The following SPATS2L variants were observed in gnomAD, a reference collection of about 807,000 sequenced individuals.
SPATS2L encodes the protein spermatogenesis associated serine rich 2 like, also known as SPATS2-like protein.
SPATS2L carries 30 observed loss-of-function variants against 59.6 expected under a neutral mutation model. That is an observed-to-expected ratio of 0.50 (90% confidence interval 0.38 to 0.68). The LOEUF is 0.68. Ranked by LOEUF, SPATS2L falls within the 30% of genes least tolerant of loss-of-function variation. SPATS2L has a pLI of 0.00. For missense variants in SPATS2L, 615 were observed against 700.0 expected, an observed-to-expected ratio of 0.88 and a Z score of 1.37; for synonymous variants, 252 against 263.5, an observed-to-expected ratio of 0.96 and a Z score of 0.42.
In SPATS2L at chr2:200,325,390, A is replaced by T. The variant is rs868739825; in HGVS notation, c.-72-4041A>T. Among the ~76,000 whole-genome samples, 374 of 151,842 alleles carry T rather than the reference A, an allele frequency of 2.5e-3. 3 individuals carry two copies. Among genetic ancestry groups the T allele is most frequent in the Middle Eastern group, 6.9e-3 (2 of 290 alleles). ...ACTGTAGGAATCTTTTTATTTATTT[A>T]TTTTTTTAGACAGAGTCTCACTCTG... is the stretch of plus-strand genomic sequence containing the variant. On this transcript the variant is annotated intron_variant, in intron 1 of 12. Coordinates refer to ENST00000409140, the MANE Select transcript of SPATS2L (RefSeq NM_001100423.2).
Position 200,409,428 on chromosome 2 carries a change from A to C in SPATS2L, c.40-2883A>C, listed in dbSNP as rs546217219. Among the ~76,000 whole-genome samples the C allele has an allele frequency of 2.6e-5, 4 of 152,262 alleles. No individual in the cohort carries two copies. In the East Asian group the frequency reaches 7.7e-4, roughly 29 times the overall value. On this transcript the variant is annotated intron_variant, in intron 3 of 12. Coordinates refer to ENST00000409140, the MANE Select transcript of SPATS2L (RefSeq NM_001100423.2). ...ACCACTGAATTATGAGGAGTGACAC[A>C]GTGAGGTTCCTTTATTTTTATGTGC...
chr2:200,420,513 G>A (rs779542504), intron 6 of SPATS2L, among the ~76,000 whole-genome samples: 6 of 152,108 alleles, frequency 3.9e-5, no homozygotes, highest in Non-Finnish European at 7.4e-5. Flanking sequence ...AGCTCAATAC[G>A]TATATTTGTA....
chr2:200,318,318 C>T (rs1043071538), intron 1 of SPATS2L, among the ~76,000 whole-genome samples: 1 of 152,194 alleles, frequency 6.6e-6, no homozygotes, highest in East Asian at 1.9e-4. Context: ...ATGTACTGAG[C>T]TTCCAGTGAC....
intron 6 of SPATS2L, among the ~76,000 whole-genome samples, chr2:200,438,115 C>A (rs2084427098): frequency 6.6e-6 from 1 of 151,956 alleles, no homozygotes; most frequent in Admixed American, 6.6e-5. Context: ...AGCAAGGTAC[C>A]ATGGGAGTAG....
At chr2:200,416,342 T>A (rs770259993) in intron 4 of SPATS2L, 37 bp from the exon 5 acceptor site, 3 of 1,184,466 alleles carry the variant, frequency 2.5e-6, no homozygotes, top group Non-Finnish European at 3.5e-6. Context: ...TGTTTTATGA[T>A]GTGAATATTT....
intron 8 of SPATS2L, among the ~76,000 whole-genome samples, chr2:200,455,576 C>G (rs1197190209): frequency 6.6e-6 from 1 of 152,234 alleles, no homozygotes; most frequent in Admixed American, 6.5e-5. Context: ...TGATATGTGT[C>G]TGCAGAGGTG....
At chr2:200,320,168 GAA>G (rs1331981004) in intron 1 of SPATS2L, among the ~76,000 whole-genome samples, 1 of 152,036 alleles carries the variant, frequency 6.6e-6, no homozygotes, top group African/African-American at 2.4e-5. Context: ...TAGAGTCAGG[GAA>G]AGACTTAGTC....
chr2:200,435,568 C>T (rs943662005), intron 6 of SPATS2L, among the ~76,000 whole-genome samples: 2 of 152,138 alleles, frequency 1.3e-5, no homozygotes, highest in Non-Finnish European at 2.9e-5. Flanking sequence ...AACACTGATT[C>T]ATTCATTCAG....
intron 10 of SPATS2L, among the ~76,000 whole-genome samples, chr2:200,469,284 A>T (rs1047993777): frequency 6.6e-6 from 1 of 152,208 alleles, no homozygotes; most frequent in South Asian, 2.1e-4. Flanking sequence ...AGTTAATGGT[A>T]TCTGTTTTCC....
chr2:200,473,561 T>TA (rs1227172643), intron 12 of SPATS2L, among the ~76,000 whole-genome samples: 1 of 152,238 alleles, frequency 6.6e-6, no homozygotes, highest in Non-Finnish European at 1.5e-5. Flanking sequence ...GTAAGGAGAA[T>TA]ACATTTCAAA....
At chr2:200,469,372 TACACACAGATCTTA>T (rs2086855287) in intron 10 of SPATS2L, among the ~76,000 whole-genome samples, 2 of 152,246 alleles carry the variant, frequency 1.3e-5, no homozygotes, top group Non-Finnish European at 2.9e-5. Flanking sequence ...CCATGTCTTC[TACACACAGATCTTA>T]ATTTTAAATG....
At chr2:200,347,453 T>A (rs1284362705) in intron 2 of SPATS2L, among the ~76,000 whole-genome samples, 1 of 152,132 alleles carries the variant, frequency 6.6e-6, no homozygotes, top group Non-Finnish European at 1.5e-5. Context: ...AATCTCATCA[T>A]CCTCTTCATT....
At chr2:200,341,572 CTG>C (rs67414264) in intron 2 of SPATS2L, among the ~76,000 whole-genome samples, 64,859 of 151,620 alleles carry the variant, frequency 0.43, 15,517 homozygotes, top group East Asian at 0.73. Context: ...AGATGAAAAA[CTG>C]TGTTTTTTTA....
At chr2:200,317,132 C>T (rs1257366186) in intron 1 of SPATS2L, among the ~76,000 whole-genome samples, 1 of 152,184 alleles carries the variant, frequency 6.6e-6, no homozygotes, top group Non-Finnish European at 1.5e-5. Flanking sequence ...TATCAAGTTT[C>T]TCTTTTTTGC....
intron 2 of SPATS2L, among the ~76,000 whole-genome samples, chr2:200,366,116 C>T (rs1245486993): frequency 1.3e-5 from 2 of 152,182 alleles, no homozygotes; most frequent in African/African-American, 4.8e-5. Flanking sequence ...TCTTTTCAAA[C>T]ATGAACATAT....
At chr2:200,463,810 C>G (rs2086405856) in intron 9 of SPATS2L, among the ~76,000 whole-genome samples, 1 of 152,186 alleles carries the variant, frequency 6.6e-6, no homozygotes, top group Non-Finnish European at 1.5e-5. Context: ...AAAAAGTATT[C>G]CAAAGAATCT....
At chr2:200,389,333 C>A in intron 3 of SPATS2L, 50 bp downstream of exon 3, 1 of 1,299,234 alleles carries the variant, frequency 7.7e-7, no homozygotes. Flanking sequence ...CTAGGTAATG[C>A]AGTTCCTAGC....
chr2:200,410,833 T>A (rs2082851788), intron 3 of SPATS2L, among the ~76,000 whole-genome samples: 1 of 152,158 alleles, frequency 6.6e-6, no homozygotes, highest in Non-Finnish European at 1.5e-5. Context: ...GTTTGATTGC[T>A]TGTCAGATAA....
Position 200,477,949 on chromosome 2 carries a change from A to G in SPATS2L, c.1595A>G (p.Gln532Arg), listed in dbSNP as rs781291144. The change falls in exon 13 of 13, where the codon CAG becomes CGG. Residue 532 changes from glutamine to arginine, a missense_variant. Physicochemically the swap from Gln to Arg is conservative, Grantham distance 43 (BLOSUM62 1). Around this residue, in one of 3 missense-constraint regions of SPATS2L, gnomAD observed 284 missense variants for 280.1 expected, o/e 1.01. Coordinates refer to ENST00000409140, the MANE Select transcript of SPATS2L (RefSeq NM_001100423.2). ...PFRGSVGRVS[Q>R]CNLCPTRIEV... ...CGGGGTAGTGTCGGTAGGGTTTCAC[A>G]GTGCAATCTCTGCCCCACGAGAATA... is the stretch of plus-strand genomic sequence containing the variant. The G allele has an allele frequency of 1.7e-5, 27 of 1,610,538 alleles. No homozygotes were observed. The highest frequency in any genetic ancestry group is 2.0e-5 in the Non-Finnish European group (23 of 1,179,072).
Sources: gnomAD v4.1 joint callset for allele counts (sites outside exome capture counted in the v4.1 genomes callset) on GRCh38, gnomAD v4.1.1 for gene constraint, gnomAD v4.1.1 regional missense constraint, MANE v1.5 for transcripts, NCBI Gene and HGNC (gene_info 2026-07-23, HGNC 2026-07-21) for gene names.